PGCKA1: variants seen among roughly 807,000 people sequenced by gnomAD.
PGCKA1 encodes the protein PDCD10 and GCKIII kinases-associated protein 1.
chr4:37,576,881 A>T, the PGCKA1 span, among the ~76,000 whole-genome samples: 2 of 152,118 alleles, frequency 1.3e-5, no homozygotes, highest in African/African-American at 2.4e-5. Flanking sequence ...TATCACATTG[A>T]TTTGCATATG....
the PGCKA1 span, among the ~76,000 whole-genome samples, chr4:37,545,262 C>A: frequency 2.0e-5 from 3 of 152,116 alleles, no homozygotes; most frequent in Non-Finnish European, 4.4e-5. Flanking sequence ...CTGCAGTCCC[C>A]AACATTTCCT....
the PGCKA1 span, among the ~76,000 whole-genome samples, chr4:37,458,727 A>T: frequency 1.3e-5 from 2 of 152,122 alleles, no homozygotes; most frequent in Non-Finnish European, 2.9e-5. Flanking sequence ...TTCAAAAGCA[A>T]CTCGAGAAGC....
At chr4:37,486,305 T>A in the PGCKA1 span, among the ~76,000 whole-genome samples, 1 of 152,198 alleles carries the variant, frequency 6.6e-6, no homozygotes, top group Non-Finnish European at 1.5e-5. Flanking sequence ...CCATGGGGAC[T>A]AGGCAGCCTG....
chr4:37,550,985 C>G, the PGCKA1 span, among the ~76,000 whole-genome samples: 2 of 151,296 alleles, frequency 1.3e-5, no homozygotes, highest in Non-Finnish European at 2.9e-5. Flanking sequence ...ATTTAGTTGC[C>G]TAGGACAAAA....
chr4:37,511,921 G>A, the PGCKA1 span, among the ~76,000 whole-genome samples: 1 of 152,262 alleles, frequency 6.6e-6, no homozygotes, highest in Non-Finnish European at 1.5e-5. Flanking sequence ...CCACTGGGAT[G>A]CACAATTCCC....
the PGCKA1 span, among the ~76,000 whole-genome samples, chr4:37,461,423 C>T: frequency 6.6e-6 from 1 of 151,974 alleles, no homozygotes; most frequent in African/African-American, 2.4e-5. Context: ...TGGCTATTTT[C>T]AAGATATTGA....
At chr4:37,511,512 G>A in the PGCKA1 span, among the ~76,000 whole-genome samples, 9 of 152,220 alleles carry the variant, frequency 5.9e-5, no homozygotes, top group Non-Finnish European at 1.0e-4. Flanking sequence ...GCTAGGTCCC[G>A]GAATGGGAGC....
the PGCKA1 span, among the ~76,000 whole-genome samples, chr4:37,548,234 C>T: frequency 6.6e-6 from 1 of 151,916 alleles, no homozygotes; most frequent in South Asian, 2.1e-4. Flanking sequence ...ATAAGGCCTC[C>T]TGAGTACTAC....
the PGCKA1 span, among the ~76,000 whole-genome samples, chr4:37,531,688 C>G: frequency 6.6e-6 from 1 of 151,152 alleles, no homozygotes; most frequent in South Asian, 2.1e-4. Flanking sequence ...GTCAGGAGAT[C>G]GAGACCATCC....
the PGCKA1 span, among the ~76,000 whole-genome samples, chr4:37,574,059 G>A: frequency 0.39 from 58,863 of 151,458 alleles, 11,811 homozygotes; most frequent in East Asian, 0.62. Context: ...GTGGTGGCAC[G>A]TGCCTGTAAT....
the PGCKA1 span, among the ~76,000 whole-genome samples, chr4:37,581,397 G>T: frequency 6.6e-6 from 1 of 152,104 alleles, no homozygotes; most frequent in African/African-American, 2.4e-5. This position sits in a 1 kb window ranked among gnomAD's most constrained non-coding sequence, Gnocchi z 4.4. Context: ...GGCCCATAGC[G>T]TACTACCTGG....
the PGCKA1 span, among the ~76,000 whole-genome samples, chr4:37,586,819 A>G: frequency 6.6e-6 from 1 of 152,180 alleles, no homozygotes; most frequent in Non-Finnish European, 1.5e-5. Context: ...CTGAGGCAGG[A>G]GAATCACTTG....
the PGCKA1 span, among the ~76,000 whole-genome samples, chr4:37,526,852 C>A: frequency 6.6e-6 from 1 of 152,094 alleles, no homozygotes; most frequent in South Asian, 2.1e-4. Context: ...GAGAGTACAT[C>A]TTCCACTTAT....
chr4:37,473,264 ATATT>A, the PGCKA1 span, among the ~76,000 whole-genome samples: 217 of 152,284 alleles, frequency 1.4e-3, 1 homozygote, highest in African/African-American at 4.7e-3. Context: ...TAAAATAAAA[ATATT>A]TATACTTTTA....
At chr4:37,551,568 A>G in the PGCKA1 span, among the ~76,000 whole-genome samples, 1 of 152,238 alleles carries the variant, frequency 6.6e-6, no homozygotes, top group African/African-American at 2.4e-5. Flanking sequence ...CTAGCAGCTG[A>G]AAGAGAGGTC....
At chr4:37,471,519 A>G in the PGCKA1 span, among the ~76,000 whole-genome samples, 1 of 152,198 alleles carries the variant, frequency 6.6e-6, no homozygotes. Context: ...ACTAACTACA[A>G]GCTAAGCATT....
chr4:37,538,522 A>G, the PGCKA1 span, among the ~76,000 whole-genome samples: 1 of 152,192 alleles, frequency 6.6e-6, no homozygotes, highest in Non-Finnish European at 1.5e-5. Flanking sequence ...AAAGAGAGAG[A>G]ACATGATGAA....
chr4:37,532,873 A>G, the PGCKA1 span, among the ~76,000 whole-genome samples: 8 of 137,574 alleles, frequency 5.8e-5, no homozygotes, highest in African/African-American at 2.1e-4. Flanking sequence ...AGCTTCTATG[A>G]AATGTCATGC....
the PGCKA1 span, among the ~76,000 whole-genome samples, chr4:37,521,487 A>T: frequency 6.6e-6 from 1 of 152,166 alleles, no homozygotes; most frequent in African/African-American, 2.4e-5. Context: ...ATGTATCTGT[A>T]TAGTTTCCAA....
Sources: allele counts gnomAD v4.1 joint callset (sites outside exome capture counted in the v4.1 genomes callset), GRCh38; gene constraint gnomAD v4.1.1; non-coding constraint Gnocchi (gnomAD v3.1); transcripts MANE v1.5; gene names NCBI Gene and HGNC (gene_info 2026-07-23, HGNC 2026-07-21).